The following DLG2 variants were observed in gnomAD, a reference collection of about 807,000 sequenced individuals.
The protein encoded by DLG2 is disks large homolog 2.
DLG2 carries 45 observed loss-of-function variants against 132.5 expected under a neutral mutation model. That is an observed-to-expected ratio of 0.34 (90% CI 0.27 to 0.44). DLG2 has a LOEUF of 0.44. DLG2 is among the 20% of genes least tolerant of loss of function. The pLI, the probability that DLG2 is intolerant of heterozygous loss-of-function variation, is 1.00. For missense variants in DLG2, 1,045 were observed against 1,196.9 expected, an observed-to-expected ratio of 0.87 and a Z score of 1.87; for synonymous variants, 424 against 419.6, an observed-to-expected ratio of 1.01 and a Z score of -0.13.
At chr11:85,087,539 T>G (rs989699366) in intron 6 of DLG2, among the ~76,000 whole-genome samples, 40 of 152,138 alleles carry the variant, frequency 2.6e-4, no homozygotes, top group African/African-American at 8.0e-4. Flanking sequence ...AGAGGAGACA[T>G]GCAAAAACCA....
At chr11:84,290,287 C>T (rs1019309866) in intron 7 of DLG2, among the ~76,000 whole-genome samples, 3 of 152,106 alleles carry the variant, frequency 2.0e-5, no homozygotes, top group African/African-American at 7.2e-5. Context: ...ACATCCTCTG[C>T]TTTCTGCCTT....
intron 6 of DLG2, among the ~76,000 whole-genome samples, chr11:84,566,342 T>C (rs1345635455): frequency 6.6e-6 from 1 of 152,196 alleles, no homozygotes; most frequent in East Asian, 1.9e-4. Flanking sequence ...CCCAGATACA[T>C]ACTATTGGTT....
intron 6 of DLG2, among the ~76,000 whole-genome samples, chr11:85,065,440 C>T (rs1035901553): frequency 6.6e-6 from 1 of 151,438 alleles, no homozygotes; most frequent in Non-Finnish European, 1.5e-5. Context: ...GAGGAGGATA[C>T]TAAGATCCAG....
At chr11:85,606,298 G>T (rs1427047465) in intron 2 of DLG2, among the ~76,000 whole-genome samples, 12 of 152,076 alleles carry the variant, frequency 7.9e-5, no homozygotes. Flanking sequence ...GAGAGGTGAA[G>T]CCGGCTGGCT....
At chr11:84,700,284 T>A (rs2059081409) in intron 6 of DLG2, among the ~76,000 whole-genome samples, 2 of 150,420 alleles carry the variant, frequency 1.3e-5, no homozygotes, top group Admixed American at 6.6e-5. Flanking sequence ...CAAATAGGAG[T>A]GTCCAGTTCA....
At chr11:84,740,206 A>G (rs2064412071) in intron 6 of DLG2, among the ~76,000 whole-genome samples, 1 of 151,910 alleles carries the variant, frequency 6.6e-6, no homozygotes, top group Non-Finnish European at 1.5e-5. Flanking sequence ...AAAGGCACCT[A>G]TTAATTGGAA....
intron 15 of DLG2, among the ~76,000 whole-genome samples, chr11:83,882,768 C>T (rs2066636786): frequency 6.6e-6 from 1 of 152,062 alleles, no homozygotes; most frequent in African/African-American, 2.4e-5. Flanking sequence ...TCTGGATGTG[C>T]AGGGTAGGAA....
chr11:85,225,807 T>C (rs1595525491), intron 4 of DLG2, among the ~76,000 whole-genome samples: 1 of 152,118 alleles, frequency 6.6e-6, no homozygotes, highest in African/African-American at 2.4e-5. Flanking sequence ...CTGACTACCA[T>C]TTCTCCATCT....
chr11:84,607,003 A>C (rs1157230810), intron 6 of DLG2, among the ~76,000 whole-genome samples: 1 of 152,048 alleles, frequency 6.6e-6, no homozygotes, highest in Non-Finnish European at 1.5e-5. Flanking sequence ...CTACTTTTTA[A>C]TTCTTTCTCC....
intron 11 of DLG2, among the ~76,000 whole-genome samples, chr11:84,057,843 A>T (rs926240837): frequency 6.6e-6 from 1 of 152,170 alleles, no homozygotes; most frequent in East Asian, 1.9e-4. Context: ...GAGGTTAAGC[A>T]ATTTGCTCAA....
intron 7 of DLG2, among the ~76,000 whole-genome samples, chr11:84,530,734 A>C (rs576778989): frequency 6.6e-6 from 1 of 152,312 alleles, no homozygotes; most frequent in East Asian, 1.9e-4. Context: ...AAATAACTTA[A>C]AACAGAACTG....
intron 18 of DLG2, among the ~76,000 whole-genome samples, chr11:83,673,737 C>T (rs1018824462): frequency 1.8e-4 from 27 of 152,292 alleles, no homozygotes; most frequent in Admixed American, 5.2e-4. Flanking sequence ...ACTGTGTGAA[C>T]AAGCCTCATT....
chr11:84,720,223 C>A (rs2061654196), intron 6 of DLG2: 1 of 969,870 alleles, frequency 1.0e-6, no homozygotes, highest in Admixed American at 6.2e-5. Context: ...CAGACATAAA[C>A]AAGCAACAGA....
At position 85,510,279 on chromosome 11, in the gene DLG2, A is replaced by T. The variant is rs60915163; in HGVS notation, c.40+88378T>A. On this transcript the variant is annotated intron_variant, in intron 3 of 27. Transcript: ENST00000376104. ...TACCAGGAAGAACTGATAGGCCAGG[A>T]TAAGAAATATGTCTTAATCCTTAGG... Among the ~76,000 whole-genome samples the T allele has an allele frequency of 8.6e-3, 1,316 of 152,172 alleles. 17 individuals carry two copies. Among genetic ancestry groups the T allele is most frequent in the African/African-American group, 0.029 (1,224 of 41,542 alleles).
chr11:84,316,866 C>A (rs759354793), intron 7 of DLG2: 2 of 1,612,798 alleles, frequency 1.2e-6, no homozygotes, highest in African/African-American at 1.3e-5. Flanking sequence ...GTACAATGCT[C>A]CCCACAAGTC....
chr11:84,407,968 G>A (rs1601598909), intron 7 of DLG2, among the ~76,000 whole-genome samples: 1 of 152,310 alleles, frequency 6.6e-6, no homozygotes, highest in East Asian at 1.9e-4. Flanking sequence ...CCTATAGCCA[G>A]CACCTTTACA....
rs1213298818 is a variant in DLG2, at chr11:84,844,105, TTGTGTG to T, written c.357+267550_357+267555del. Among the ~76,000 whole-genome samples the T allele has an allele frequency of 2.2e-3, 177 of 80,826 alleles. 1 individual carries two copies. The highest frequency in any genetic ancestry group is 5.8e-3 in the African/African-American group (127 of 22,016). The allele number at this position is 80,826 out of a possible 152,430, so 53.0% of individuals were successfully genotyped here. On this transcript the variant is annotated intron_variant, in intron 6 of 27. Coordinates refer to ENST00000376104, the MANE Select transcript of DLG2 (RefSeq NM_001142699.3). Reference sequence around the variant, plus strand: ...TGTGTGTATATATATATATATATGTTTGTGTGTGTGTGTGTGTGTGTGTGTGTGTGT... The same window carrying T: ...TGTGTGTATATATATATATATATGTTTGTGTGTGTGTGTGTGTGTGTGTGT...
chr11:83,611,846 T>C (rs1427485131), intron 19 of DLG2, among the ~76,000 whole-genome samples: 1 of 152,216 alleles, frequency 6.6e-6, no homozygotes, highest in Non-Finnish European at 1.5e-5. Context: ...ATTTAATAGC[T>C]ATTCAAAGAT....
At chr11:85,575,786 A>T (rs1190315270) in intron 3 of DLG2, among the ~76,000 whole-genome samples, 2 of 152,166 alleles carry the variant, frequency 1.3e-5, no homozygotes, top group Non-Finnish European at 2.9e-5. Context: ...GGTGCTCCAG[A>T]TTACCCTTCC....
Sources: allele counts gnomAD v4.1 joint callset (sites outside exome capture counted in the v4.1 genomes callset), GRCh38; gene constraint gnomAD v4.1.1; transcripts MANE v1.5; gene names NCBI Gene and HGNC (gene_info 2026-07-23, HGNC 2026-07-21).